PRELID2: variants seen among roughly 807,000 people sequenced by gnomAD.
The protein encoded by PRELID2 is PRELI domain containing 2.
A neutral mutation model predicts 28.4 loss-of-function variants in PRELID2; 25 were observed. The ratio of observed to expected loss-of-function variants is 0.88; its 90% CI spans 0.64 to 1.23. The LOEUF (loss-of-function observed/expected upper bound fraction) is 1.23, where lower values mean the gene tolerates loss of function less well. Ranked by LOEUF, PRELID2 falls within the 50% of genes most tolerant of loss-of-function variation. The probability of loss-of-function intolerance (pLI) is 0.00; values close to 1 mark genes in which losing one functional copy is unlikely to be tolerated. For synonymous variants in PRELID2, 76 were observed against 71.6 expected, an observed-to-expected ratio of 1.06 and a Z score of -0.31; for missense variants, 201 against 214.4, an observed-to-expected ratio of 0.94 and a Z score of 0.39.
intron 1 of PRELID2, among the ~76,000 whole-genome samples, chr5:145,523,021 C>A (rs1222768363): frequency 6.6e-6 from 1 of 152,058 alleles, no homozygotes; most frequent in Non-Finnish European, 1.5e-5. Context: ...TTGTGGAGAG[C>A]AAATATATAG....
the PRELID2 span, among the ~76,000 whole-genome samples, chr5:145,463,273 T>C: frequency 6.6e-6 from 1 of 151,988 alleles, no homozygotes; most frequent in East Asian, 1.9e-4. Context: ...TGCAAAACAT[T>C]TTTAATCTTT....
At chr5:145,746,255 T>G (rs1350573762) in intron 1 of PRELID2, among the ~76,000 whole-genome samples, 1 of 152,174 alleles carries the variant, frequency 6.6e-6, no homozygotes, top group East Asian at 1.9e-4. Context: ...GTCGGCGTGC[T>G]GTATTCAGGA....
chr5:145,658,243 A>G (rs1228783848), intron 1 of PRELID2, among the ~76,000 whole-genome samples: 1 of 152,188 alleles, frequency 6.6e-6, no homozygotes. Flanking sequence ...TGAAAGCAAA[A>G]CCATAAGGCA....
chr5:145,456,013 C>CACTT, the PRELID2 span, among the ~76,000 whole-genome samples: 1 of 152,306 alleles, frequency 6.6e-6, no homozygotes, highest in East Asian at 1.9e-4. Flanking sequence ...TCTCCAACTG[C>CACTT]ACTTAAGATA....
chr5:145,375,188 A>G, the PRELID2 span, among the ~76,000 whole-genome samples: 1 of 151,028 alleles, frequency 6.6e-6, no homozygotes, highest in South Asian at 2.1e-4. Flanking sequence ...TATTGTTGTC[A>G]TGTTCTGCTT....
chr5:145,311,943 G>A, the PRELID2 span, among the ~76,000 whole-genome samples: 15 of 152,178 alleles, frequency 9.9e-5, no homozygotes, highest in South Asian at 3.1e-3. Context: ...TATTCATGGT[G>A]TACAACATAT....
the PRELID2 span, among the ~76,000 whole-genome samples, chr5:145,382,967 A>G: frequency 6.6e-6 from 1 of 151,860 alleles, no homozygotes. Flanking sequence ...AACACTACTG[A>G]GAGAATTTTA....
chr5:145,736,662 C>A (rs146272371), intron 1 of PRELID2, among the ~76,000 whole-genome samples: 1 of 152,028 alleles, frequency 6.6e-6, no homozygotes, highest in Non-Finnish European at 1.5e-5. Flanking sequence ...TGTAAAGGGA[C>A]AGAGGGCAGC....
At chr5:145,497,415 C>G (rs1752318817) in intron 1 of PRELID2, among the ~76,000 whole-genome samples, 1 of 152,168 alleles carries the variant, frequency 6.6e-6, no homozygotes, top group Admixed American at 6.5e-5. Flanking sequence ...ATCCTTCCCC[C>G]TTAACTACCC....
the PRELID2 span, among the ~76,000 whole-genome samples, chr5:145,429,390 G>T: frequency 6.6e-6 from 1 of 152,168 alleles, no homozygotes; most frequent in Admixed American, 6.5e-5. Flanking sequence ...TAGCTACCAT[G>T]AACTGAAATT....
At chr5:145,425,382 T>G in the PRELID2 span, among the ~76,000 whole-genome samples, 4 of 152,214 alleles carry the variant, frequency 2.6e-5, no homozygotes, top group African/African-American at 9.6e-5. Context: ...GAATACCATT[T>G]GCCCCAACAA....
intron 1 of PRELID2, among the ~76,000 whole-genome samples, chr5:145,747,817 AG>A (rs1757031816): frequency 6.6e-6 from 1 of 152,214 alleles, no homozygotes; most frequent in South Asian, 2.1e-4. Flanking sequence ...GCCATGATCA[AG>A]TGGGCTTCCT....
At chr5:145,546,372 A>G (rs1477197764) in intron 1 of PRELID2, among the ~76,000 whole-genome samples, 1 of 152,226 alleles carries the variant, frequency 6.6e-6, no homozygotes, top group African/African-American at 2.4e-5. Context: ...GTAATTAAAT[A>G]TCATCTTCAA....
chr5:145,252,008 A>G, the PRELID2 span, among the ~76,000 whole-genome samples: 1 of 152,074 alleles, frequency 6.6e-6, no homozygotes, highest in Non-Finnish European at 1.5e-5. Context: ...CAGCTAACCA[A>G]TTAACTATGC....
At chr5:145,363,211 C>A in the PRELID2 span, among the ~76,000 whole-genome samples, 3 of 151,046 alleles carry the variant, frequency 2.0e-5, no homozygotes, top group Non-Finnish European at 4.4e-5. Flanking sequence ...ACCTAGCGAA[C>A]ATTGATAGCC....
the PRELID2 span, among the ~76,000 whole-genome samples, chr5:145,323,618 C>T: frequency 2.0e-5 from 3 of 152,126 alleles, no homozygotes; most frequent in African/African-American, 7.2e-5. Flanking sequence ...CCTCCTTGCA[C>T]CTTCCATGTT....
intron 5 of PRELID2, among the ~76,000 whole-genome samples, chr5:145,783,155 T>A (rs1214127148): frequency 6.6e-6 from 1 of 152,160 alleles, no homozygotes; most frequent in African/African-American, 2.4e-5. Context: ...CGAGATTTCA[T>A]CTAGTTTCAT....
rs778856565 is a variant in PRELID2 at position 145,820,116 on chromosome 5, GT to G, written c.134-99del. On this transcript the variant is annotated intron_variant, in intron 2 of 6. Coordinates refer to ENST00000683046, the MANE Select transcript of PRELID2 (RefSeq NM_205846.3). ...CGGGGGTGGGGTTTTTTTGTTTTTT[GT>G]TTTTTGTTTTTTTTTTTTGAGACAC... 9.2e-4 allele frequency: 497 copies of G among 540,820 alleles called. 3 individuals carry two copies. The highest frequency in any genetic ancestry group is 1.3e-3 in the Non-Finnish European group (409 of 324,556). 33.5% of individuals were successfully genotyped at this position (540,820 alleles called of 1,614,324 possible). A position where few individuals can be genotyped will look rare whatever the true frequency, so the allele number is the denominator to read the frequency against.
chr5:145,820,841 C>T (rs1214825060), intron 2 of PRELID2, among the ~76,000 whole-genome samples: 2 of 152,100 alleles, frequency 1.3e-5, no homozygotes, highest in South Asian at 2.1e-4. Context: ...AAAGCTATTC[C>T]GCTTCCTTTA....
Sources: gnomAD v4.1 joint callset for allele counts (sites outside exome capture counted in the v4.1 genomes callset) on GRCh38, gnomAD v4.1.1 for gene constraint, MANE v1.5 for transcripts, NCBI Gene and HGNC (gene_info 2026-07-23, HGNC 2026-07-21) for gene names.